Variants in PDE10A observed in about 807,000 individuals in gnomAD.
The protein encoded by PDE10A is cAMP and cAMP-inhibited cGMP 3',5'-cyclic phosphodiesterase 10A.
A neutral mutation model predicts 97.7 loss-of-function variants in PDE10A; 39 were observed. The ratio of observed to expected loss-of-function variants is 0.40; its 90% confidence interval spans 0.31 to 0.52. The LOEUF is 0.52. Among genes scored for constraint, PDE10A ranks in the 20% least tolerant of loss-of-function variants. PDE10A has a pLI of 0.56. For missense variants in PDE10A, 731 were observed against 1,047.8 expected (o/e 0.70, Z 4.17); for synonymous variants, 371 against 376.8 (o/e 0.98, Z 0.18).
At chr6:165,356,275 T>C (rs908067268) in intron 18 of PDE10A, among the ~76,000 whole-genome samples, 6 of 152,176 alleles carry the variant, frequency 3.9e-5, no homozygotes, top group South Asian at 2.1e-4. Flanking sequence ...CTTTGTAATT[T>C]TGGCCATTCT....
At chr6:165,682,195 C>T (rs899708428) in intron 1 of PDE10A, among the ~76,000 whole-genome samples, 5 of 152,078 alleles carry the variant, frequency 3.3e-5, no homozygotes, top group African/African-American at 7.2e-5. Flanking sequence ...GCAGTGGCTG[C>T]GATCACGGCT....
intron 1 of PDE10A, among the ~76,000 whole-genome samples, chr6:165,901,826 TTTCTCATTTTCTTTGTTC>T (rs1386632576): frequency 6.6e-6 from 1 of 150,854 alleles, no homozygotes; most frequent in South Asian, 2.1e-4. Context: ...AGAATTTGTT[TTTCTCATTTTCTTTGTTC>T]TTCTCATTTA....
At chr6:165,785,987 T>C (rs1159720393) in intron 1 of PDE10A, among the ~76,000 whole-genome samples, 1 of 152,262 alleles carries the variant, frequency 6.6e-6, no homozygotes, top group Non-Finnish European at 1.5e-5. Flanking sequence ...CTTTAGTAAC[T>C]CAAATTAGTG....
At chr6:165,896,487 G>A (rs1055810766) in intron 1 of PDE10A, among the ~76,000 whole-genome samples, 5 of 150,462 alleles carry the variant, frequency 3.3e-5, no homozygotes, top group African/African-American at 9.8e-5. Context: ...CCAAGCAGCT[G>A]GGATTACAGG....
chr6:165,519,478 C>A (rs1479312374), intron 2 of PDE10A, among the ~76,000 whole-genome samples: 3 of 150,714 alleles, frequency 2.0e-5, no homozygotes, highest in Non-Finnish European at 3.0e-5. Context: ...AAAAAAAAAA[C>A]CACATCAGAA....
At chr6:165,367,807 AAC>A (rs1491085251) in intron 18 of PDE10A, among the ~76,000 whole-genome samples, 2 of 151,486 alleles carry the variant, frequency 1.3e-5, no homozygotes, top group Non-Finnish European at 1.5e-5. Flanking sequence ...ATTAAAAAAA[AAC>A]AAAAACAAAA....
chr6:165,543,751 G>A, intron 1 of PDE10A, among the ~76,000 whole-genome samples, 183 bp from the exon 2 acceptor site: 1 of 152,182 alleles, frequency 6.6e-6, no homozygotes, highest in East Asian at 1.9e-4. Flanking sequence ...GGGAGTGACA[G>A]CAAAGTTTTG....
intron 18 of PDE10A, among the ~76,000 whole-genome samples, chr6:165,368,158 G>C (rs1783946380): frequency 6.6e-6 from 1 of 152,004 alleles, no homozygotes; most frequent in Non-Finnish European, 1.5e-5. Flanking sequence ...ACCACACCTG[G>C]CTAATTTTTG....
chr6:165,771,312 A>T (rs947602966), intron 1 of PDE10A, among the ~76,000 whole-genome samples: 3 of 152,154 alleles, frequency 2.0e-5, no homozygotes, highest in African/African-American at 7.2e-5. Flanking sequence ...ACTCCACCTA[A>T]TGACACAGGG....
At chr6:165,835,738 C>A (rs1780048080) in intron 1 of PDE10A, among the ~76,000 whole-genome samples, 2 of 152,192 alleles carry the variant, frequency 1.3e-5, no homozygotes, top group Admixed American at 6.5e-5. Flanking sequence ...TGGAGCTGGG[C>A]TCCAGCTCAG....
At chr6:165,466,523 C>T (rs770158809) in intron 3 of PDE10A, among the ~76,000 whole-genome samples, 9 of 152,220 alleles carry the variant, frequency 5.9e-5, no homozygotes, top group African/African-American at 9.6e-5. Flanking sequence ...ATGGAAGGTG[C>T]GTGGCAACCC....
Position 165,332,879 on chromosome 6 carries a change from A to C in PDE10A, c.*146T>G, listed in dbSNP as rs1215771070. ...TGGCAGGAAGTCCTCTGCTTGACTT[A>C]TTTATTTGATGTTACCTTCTTGAAG... On this transcript the variant is annotated 3_prime_UTR_variant, in exon 22 of 22. Transcript: ENST00000539869. The C allele has an allele frequency of 4.7e-6, 3 of 636,118 alleles. No individual in the cohort carries two copies. Among genetic ancestry groups the C allele is most frequent in the African/African-American group, 3.7e-5 (2 of 54,738 alleles). The allele number at this position is 636,118 out of a possible 1,614,324, so 39.4% of individuals were successfully genotyped here. A position where few individuals can be genotyped will look rare whatever the true frequency, so the allele number is the denominator to read the frequency against.
intron 1 of PDE10A, among the ~76,000 whole-genome samples, chr6:165,669,901 A>G (rs1790599849): frequency 6.6e-6 from 1 of 152,248 alleles, no homozygotes; most frequent in African/African-American, 2.4e-5. Flanking sequence ...AAATTTAAAA[A>G]AGAATACACC....
chr6:165,960,724 C>T (rs566828693), intron 1 of PDE10A, among the ~76,000 whole-genome samples: 25 of 152,280 alleles, frequency 1.6e-4, no homozygotes, highest in African/African-American at 6.0e-4. Context: ...CTAGAATCGC[C>T]AGTGACCCAG....
At chr6:165,536,813 G>A (rs1026377173) in intron 2 of PDE10A, among the ~76,000 whole-genome samples, 1 of 151,800 alleles carries the variant, frequency 6.6e-6, no homozygotes, top group African/African-American at 2.4e-5. Context: ...ACAAATGCTG[G>A]CGAAGAAAGG....
rs527719703 is a variant in PDE10A, at chr6:165,562,922, G to A, written c.866-19354C>T. Among the ~76,000 whole-genome samples the A allele has an allele frequency of 8.2e-4, 124 of 152,084 alleles. No individual in the cohort carries two copies. The South Asian group carries it at 0.025, about 30-fold the overall frequency. On this transcript the variant is annotated intron_variant, in intron 1 of 21. Transcript: ENST00000539869. ...TAGTGACATCTAGTGCGTAGAAGCCGGCGAGGTTGCCTAACATCCTATGGT... is the reference window on the plus strand; with the variant it reads ...TAGTGACATCTAGTGCGTAGAAGCCAGCGAGGTTGCCTAACATCCTATGGT...
At chr6:165,968,096 G>T (rs571943848) in intron 1 of PDE10A, among the ~76,000 whole-genome samples, 1 of 152,204 alleles carries the variant, frequency 6.6e-6, no homozygotes, top group Non-Finnish European at 1.5e-5. Flanking sequence ...GCACAGAAAG[G>T]TTGGTATTAG....
intron 1 of PDE10A, among the ~76,000 whole-genome samples, chr6:165,712,445 C>T (rs1212596117): frequency 6.6e-6 from 1 of 152,074 alleles, no homozygotes; most frequent in African/African-American, 2.4e-5. Flanking sequence ...AGGAACAGGG[C>T]TCTGTGCTGT....
In PDE10A at chr6:165,691,201, C is replaced by CACA. The variant is rs1491589495; in HGVS notation, c.-614-147634_-614-147633insTGT. ...TCTCTCTCTCTCCCTCTCTCTCTCT[C>CACA]CCCACACACACACACACACACACAC... On this transcript the variant is annotated intron_variant, in intron 1 of 19. Coordinates refer to the PDE10A transcript ENST00000366882. 2.8e-3 allele frequency among the ~76,000 whole-genome samples: 67 copies of CACA among 24,032 alleles called. 2 individuals carry two copies. The highest frequency in any genetic ancestry group is 7.3e-3 in the African/African-American group (54 of 7,430). 15.8% of individuals were successfully genotyped at this position (24,032 alleles called of 152,430 possible). A position where few individuals can be genotyped will look rare whatever the true frequency, so the allele number is the denominator to read the frequency against.
Sources: gnomAD v4.1 joint callset for allele counts (sites outside exome capture counted in the v4.1 genomes callset) on GRCh38, gnomAD v4.1.1 for gene constraint, MANE v1.5 for transcripts, NCBI Gene and HGNC (gene_info 2026-07-23, HGNC 2026-07-21) for gene names.